GRID2: variants seen among roughly 807,000 people sequenced by gnomAD.
GRID2 encodes the protein glutamate ionotropic receptor delta type subunit 2.
In GRID2, 33 loss-of-function variants were observed where a neutral mutation model predicts 114.8. That is an observed-to-expected ratio of 0.29 (90% CI 0.22 to 0.38). The LOEUF (loss-of-function observed/expected upper bound fraction) is 0.38, where lower values mean the gene tolerates loss of function less well. Among genes scored for constraint, GRID2 ranks in the 10% least tolerant of loss-of-function variants. The pLI is 1.00. For missense variants in GRID2, 1,184 were observed against 1,257.7 expected, an observed-to-expected ratio of 0.94 and a Z score of 0.89; for synonymous variants, 505 against 449.9, an observed-to-expected ratio of 1.12 and a Z score of -1.55.
intron 8 of GRID2, among the ~76,000 whole-genome samples, chr4:93,374,107 G>C (rs1763167911): frequency 6.6e-6 from 1 of 152,064 alleles, no homozygotes; most frequent in African/African-American, 2.4e-5. Context: ...TGTCAAGTTA[G>C]GTCATTATAA....
chr4:93,631,667 A>G (rs1024196929), intron 14 of GRID2, among the ~76,000 whole-genome samples: 6 of 152,218 alleles, frequency 3.9e-5, no homozygotes, highest in South Asian at 2.1e-4. Flanking sequence ...ATAGTGCCAC[A>G]ATAAATATAC....
At chr4:92,934,526 G>A (rs1750492393) in intron 2 of GRID2, among the ~76,000 whole-genome samples, 1 of 145,918 alleles carries the variant, frequency 6.9e-6, no homozygotes. Context: ...TCACAGAATT[G>A]GAAAAAACTA....
In GRID2 at chr4:93,364,064, A is replaced by G. The variant is rs115687676; in HGVS notation, c.1246-31543A>G. 5.9e-3 allele frequency among the ~76,000 whole-genome samples: 895 copies of G among 152,046 alleles called. 5 individuals carry two copies. The highest frequency in any genetic ancestry group is 0.021 in the African/African-American group (866 of 41,520). On this transcript the variant is annotated intron_variant, in intron 8 of 15. Coordinates refer to ENST00000282020, the MANE Select transcript of GRID2 (RefSeq NM_001510.4). ...CATTGTAGTTTGAGAATGTTTTCCT[A>G]TTGCTTTTTCTCATGAATAACAATT...
intron 1 of GRID2, among the ~76,000 whole-genome samples, chr4:92,365,375 A>T (rs1474674660): frequency 1.3e-5 from 2 of 152,190 alleles, no homozygotes; most frequent in East Asian, 3.9e-4. Context: ...GAAATAAGTC[A>T]GGCACTGAGA....
chr4:93,592,038 T>C (rs1738396739), intron 13 of GRID2, among the ~76,000 whole-genome samples: 1 of 152,210 alleles, frequency 6.6e-6, no homozygotes, highest in African/African-American at 2.4e-5. Flanking sequence ...TTGAAGGGTA[T>C]TTTGTGTCTC....
At chr4:92,761,755 C>G (rs1035605479) in intron 2 of GRID2, among the ~76,000 whole-genome samples, 1 of 152,076 alleles carries the variant, frequency 6.6e-6, no homozygotes, top group Non-Finnish European at 1.5e-5. Context: ...CTCTTTCTAT[C>G]AATAATGCAC....
intron 1 of GRID2, among the ~76,000 whole-genome samples, chr4:92,443,825 A>G (rs1733277562): frequency 1.3e-5 from 2 of 152,190 alleles, no homozygotes; most frequent in South Asian, 4.1e-4. Flanking sequence ...CGTGGGTTGA[A>G]TAATCAGAGA....
In GRID2 at chr4:92,816,318, C is replaced by CAAAA. The variant is rs764487348; in HGVS notation, c.244+226052_244+226055dup. Reference sequence around the variant, plus strand: ...CAACAAGAGTAAATCTCTGTCTCACCAAAAAAAAAAAAAAAAAAAAAAAGT... The same window carrying CAAAA: ...CAACAAGAGTAAATCTCTGTCTCACCAAAAAAAAAAAAAAAAAAAAAAAAAAAGT... On this transcript the variant is annotated intron_variant, in intron 2 of 15. Transcript: ENST00000282020. 3.7e-3 allele frequency among the ~76,000 whole-genome samples: 177 copies of CAAAA among 48,192 alleles called. 4 individuals carry two copies. The highest frequency in any genetic ancestry group is 0.012 in the African/African-American group (149 of 12,428). 31.6% of individuals were successfully genotyped at this position (48,192 alleles called of 152,430 possible).
intron 8 of GRID2, among the ~76,000 whole-genome samples, chr4:93,245,084 T>C (rs1236435139): frequency 6.6e-6 from 1 of 152,108 alleles, no homozygotes; most frequent in Non-Finnish European, 1.5e-5. Context: ...AACTCTTCTA[T>C]GTGTATATGT....
intron 1 of GRID2, among the ~76,000 whole-genome samples, chr4:92,539,227 T>C (rs1042722892): frequency 1.3e-5 from 2 of 152,132 alleles, no homozygotes; most frequent in African/African-American, 2.4e-5. Context: ...CAGTTCAATA[T>C]AGTGTGTACT....
chr4:93,742,733 A>T (rs1328033957), intron 14 of GRID2, among the ~76,000 whole-genome samples: 1 of 152,194 alleles, frequency 6.6e-6, no homozygotes, highest in African/African-American at 2.4e-5. Context: ...AATAAGTGTT[A>T]TGTGGGTTCT....
At chr4:92,519,055 T>C (rs956657254) in intron 1 of GRID2, among the ~76,000 whole-genome samples, 10 of 151,876 alleles carry the variant, frequency 6.6e-5, no homozygotes, top group African/African-American at 1.9e-4. Flanking sequence ...ACTATGATAG[T>C]ATGTCATAGC....
At chr4:93,230,483 TTTTTG>T (rs1428600990) in intron 7 of GRID2, among the ~76,000 whole-genome samples, 3 of 152,174 alleles carry the variant, frequency 2.0e-5, no homozygotes, top group Non-Finnish European at 1.5e-5. Flanking sequence ...TATTCTTCTA[TTTTTG>T]TTTTATTATA....
chr4:93,167,697 A>T (rs2149417196), intron 4 of GRID2, among the ~76,000 whole-genome samples: 1 of 152,344 alleles, frequency 6.6e-6, no homozygotes, highest in African/African-American at 2.4e-5. Flanking sequence ...AATGAGCTGC[A>T]AAATTAATTT....
chr4:92,806,555 C>T (rs950360607), intron 2 of GRID2, among the ~76,000 whole-genome samples: 4 of 151,552 alleles, frequency 2.6e-5, no homozygotes, highest in Non-Finnish European at 4.4e-5. Context: ...AGTAATGTAT[C>T]TTATTTGAAA....
chr4:93,602,758 CAAGTGAAAGG>C (rs1303898634), intron 13 of GRID2, among the ~76,000 whole-genome samples: 3 of 152,150 alleles, frequency 2.0e-5, no homozygotes, highest in Non-Finnish European at 4.4e-5. Flanking sequence ...TCTAAGTGTT[CAAGTGAAAGG>C]AAGAGTCACA....
At chr4:93,081,029 C>A (rs947881316) in intron 2 of GRID2, among the ~76,000 whole-genome samples, 8 of 152,178 alleles carry the variant, frequency 5.3e-5, no homozygotes, top group Non-Finnish European at 1.0e-4. Context: ...CCCCATGACC[C>A]AAACACATCA....
intron 2 of GRID2, among the ~76,000 whole-genome samples, chr4:92,819,566 A>G (rs922841771): frequency 5.3e-5 from 8 of 152,152 alleles, no homozygotes; most frequent in Admixed American, 3.9e-4. Context: ...GGGATAAACT[A>G]AAGCATGTAA....
rs138244025 is a variant in GRID2 at position 93,748,569 on chromosome 4, C to T, written c.2361-20641C>T. 9.2e-5 allele frequency among the ~76,000 whole-genome samples: 14 copies of T among 152,266 alleles called. No individual in the cohort carries two copies. The East Asian group carries it at 2.5e-3, about 27-fold the overall frequency. On this transcript the variant is annotated intron_variant, in intron 14 of 15. Coordinates refer to ENST00000282020, the MANE Select transcript of GRID2 (RefSeq NM_001510.4). ...GAGCTATTTCTTCTAGTAAGAAAAA[C>T]GCCTGAAGGCACTAAGTGATTACAG...
Sources: allele counts gnomAD v4.1 joint callset (sites outside exome capture counted in the v4.1 genomes callset), GRCh38; gene constraint gnomAD v4.1.1; transcripts MANE v1.5; gene names NCBI Gene and HGNC (gene_info 2026-07-23, HGNC 2026-07-21).